Variants in KDM4C observed in about 807,000 individuals in gnomAD.
The protein encoded by KDM4C is lysine demethylase 4C.
In KDM4C, 81 loss-of-function variants were observed where a neutral mutation model predicts 129.3. That is an observed-to-expected ratio of 0.63 (90% CI 0.52 to 0.75). The LOEUF (loss-of-function observed/expected upper bound fraction) is 0.75. Among genes scored for constraint, KDM4C ranks in the 30% least tolerant of loss-of-function variants. The pLI is 0.00. For synonymous variants in KDM4C, 573 were observed against 456.1 expected, an observed-to-expected ratio of 1.26 and a Z score of -3.26; for missense variants, 1,457 against 1,304.0, an observed-to-expected ratio of 1.12 and a Z score of -1.81.
At chr9:7,106,334 G>A (rs1022344617) in intron 18 of KDM4C, among the ~76,000 whole-genome samples, 1 of 152,230 alleles carries the variant, frequency 6.6e-6, no homozygotes, top group Non-Finnish European at 1.5e-5. Flanking sequence ...AGCAGAAACT[G>A]TAGTTTGTCT....
chr9:6,852,087 C>T (rs764373051), intron 5 of KDM4C, among the ~76,000 whole-genome samples: 30 of 152,104 alleles, frequency 2.0e-4, no homozygotes, highest in East Asian at 5.8e-4. Context: ...AAGATAACTA[C>T]TGTAGGAAGA....
chr9:7,129,814 T>G (rs951899025), intron 19 of KDM4C, among the ~76,000 whole-genome samples: 2 of 152,246 alleles, frequency 1.3e-5, no homozygotes, highest in African/African-American at 4.8e-5. Flanking sequence ...ACTGGAACCA[T>G]GAACTCAGTT....
chr9:6,807,859 A>C (rs374682163), intron 3 of KDM4C, among the ~76,000 whole-genome samples: 27,228 of 113,882 alleles, frequency 0.24, 2,062 homozygotes, highest in African/African-American at 0.35. Context: ...TCAGCCCCCC[A>C]ACCTGGCCAG....
At chr9:6,742,854 C>T (rs1274861295) in intron 1 of KDM4C, among the ~76,000 whole-genome samples, 1 of 151,962 alleles carries the variant, frequency 6.6e-6, no homozygotes, top group Admixed American at 6.6e-5. Context: ...CTGCCGCAAA[C>T]ATCTTCAGTG....
At chr9:7,048,111 C>T (rs1461296356) in intron 16 of KDM4C, among the ~76,000 whole-genome samples, 2 of 152,070 alleles carry the variant, frequency 1.3e-5, no homozygotes, top group Non-Finnish European at 2.9e-5. Context: ...AAAGTCTTCA[C>T]TAGTTCTTGG....
intron 15 of KDM4C, among the ~76,000 whole-genome samples, chr9:7,017,768 C>T (rs1423971373): frequency 6.6e-6 from 1 of 152,152 alleles, no homozygotes. Context: ...CAGAGAATTA[C>T]ACTTCCTTGC....
At chr9:6,989,010 T>C (rs1379845763) in intron 11 of KDM4C, among the ~76,000 whole-genome samples, 1 of 152,224 alleles carries the variant, frequency 6.6e-6, no homozygotes. Flanking sequence ...TCTACACTTC[T>C]TGAGAGCAGA....
At chr9:6,772,794 G>A (rs1348479457) in intron 1 of KDM4C, among the ~76,000 whole-genome samples, 1 of 149,382 alleles carries the variant, frequency 6.7e-6, no homozygotes, top group East Asian at 2.0e-4. Context: ...CCGGATTCAA[G>A]CAGTTCTCCT....
intron 17 of KDM4C, among the ~76,000 whole-genome samples, chr9:7,068,572 C>T (rs1832749746): frequency 1.3e-5 from 2 of 152,090 alleles, no homozygotes; most frequent in South Asian, 2.1e-4. Flanking sequence ...GAAACTTTGT[C>T]CCTGATTTTC....
chr9:6,747,329 C>T (rs1195372290), intron 1 of KDM4C, among the ~76,000 whole-genome samples: 1 of 151,778 alleles, frequency 6.6e-6, no homozygotes, highest in Non-Finnish European at 1.5e-5. Flanking sequence ...GGGCGGATCG[C>T]GAGGTCAGGA....
intron 5 of KDM4C, among the ~76,000 whole-genome samples, chr9:6,877,425 C>T (rs779586348): frequency 9.9e-5 from 15 of 152,154 alleles, no homozygotes; most frequent in Non-Finnish European, 1.5e-4. Context: ...TGGTCTCGGT[C>T]TCCTGACCTC....
At chr9:7,120,762 C>G (rs1248764170) in intron 18 of KDM4C, among the ~76,000 whole-genome samples, 4 of 152,138 alleles carry the variant, frequency 2.6e-5, no homozygotes, top group African/African-American at 9.7e-5. Flanking sequence ...TTCGTTCTCT[C>G]AAGTCTTTCT....
At chr9:6,833,572 C>T (rs1041086201) in intron 4 of KDM4C, among the ~76,000 whole-genome samples, 1 of 152,222 alleles carries the variant, frequency 6.6e-6, no homozygotes, top group Admixed American at 6.5e-5. Context: ...GGCAAGTTAT[C>T]TGTCTTTGCT....
At chr9:6,847,293 C>G (rs907722930) in intron 4 of KDM4C, among the ~76,000 whole-genome samples, 2 of 152,090 alleles carry the variant, frequency 1.3e-5, no homozygotes. Flanking sequence ...TCTGATTGGA[C>G]TAGAGTTAAG....
intron 15 of KDM4C, among the ~76,000 whole-genome samples, chr9:7,032,114 A>G (rs1423476396): frequency 6.6e-6 from 1 of 152,174 alleles, no homozygotes; most frequent in Non-Finnish European, 1.5e-5. Context: ...TTTCCATAAT[A>G]TTAGGCAGGT....
chr9:7,121,628 A>T (rs1839496574), intron 18 of KDM4C, among the ~76,000 whole-genome samples: 1 of 152,156 alleles, frequency 6.6e-6, no homozygotes, highest in Admixed American at 6.5e-5. Flanking sequence ...GTGTTTACAT[A>T]TGTGTACGTA....
chr9:6,901,380 G>C (rs7341803), intron 8 of KDM4C, among the ~76,000 whole-genome samples: 2 of 152,164 alleles, frequency 1.3e-5, no homozygotes. Context: ...CCTCACATAA[G>C]GGATTGTCAG....
intron 10 of KDM4C, among the ~76,000 whole-genome samples, 153 bp from the exon 11 acceptor site, chr9:6,986,191 A>G (rs1563934989): frequency 6.6e-6 from 1 of 152,196 alleles, no homozygotes; most frequent in Non-Finnish European, 1.5e-5. Context: ...TGATGGGTAC[A>G]AATGAGGTTT....
At chr9:6,728,801 G>C (rs970082634) in intron 1 of KDM4C, among the ~76,000 whole-genome samples, 1 of 151,200 alleles carries the variant, frequency 6.6e-6, no homozygotes, top group African/African-American at 2.4e-5. Flanking sequence ...AGCCAAGATT[G>C]TACCACCACA....
Sources: gnomAD v4.1 joint callset for allele counts (sites outside exome capture counted in the v4.1 genomes callset) on GRCh38, gnomAD v4.1.1 for gene constraint, MANE v1.5 for transcripts, NCBI Gene and HGNC (gene_info 2026-07-23, HGNC 2026-07-21) for gene names.